PSMD11: variants seen among roughly 807,000 people sequenced by gnomAD.
PSMD11 encodes the protein proteasome 26S subunit, non-ATPase 11.
In PSMD11, 5 loss-of-function variants were observed where a neutral mutation model predicts 62.3. The ratio of observed to expected loss-of-function variants is 0.08; its 90% CI spans 0.04 to 0.17. The LOEUF (loss-of-function observed/expected upper bound fraction) is 0.17. PSMD11 is among the 10% of genes least tolerant of loss of function. PSMD11 has a pLI of 1.00. For synonymous variants in PSMD11, 191 were observed against 191.8 expected (o/e 1.00, Z 0.03); for missense variants, 310 against 512.9 (o/e 0.60, Z 3.82).
At chr17:32,467,809 C>CT (rs1165065002) in intron 5 of PSMD11, among the ~76,000 whole-genome samples, 10 of 152,034 alleles carry the variant, frequency 6.6e-5, no homozygotes, top group Admixed American at 2.0e-4. Flanking sequence ...AAGTTCTTTT[C>CT]TTTTTTTTAA....
chr17:32,473,259 C>T (rs561544126), intron 6 of PSMD11, among the ~76,000 whole-genome samples: 2 of 150,882 alleles, frequency 1.3e-5, no homozygotes, highest in Non-Finnish European at 3.0e-5. Context: ...GCCGAGATTA[C>T]AGGAGTGAAC....
rs1907938081 is a variant in PSMD11 at position 32,464,546 on chromosome 17, A to C, written c.416A>C (p.Asp139Ala). 1 of 1,609,222 alleles carries C rather than the reference A, an allele frequency of 6.2e-7. No individual in the cohort carries two copies. The highest frequency in any genetic ancestry group is 1.3e-5 in the African/African-American group (1 of 74,754). ...GCAAGACTGGTGTCTTTGTACTTTG[A>C]TACCAAGAGGTACCAGGAAGCATTG... ...LEARLVSLYF[D>A]TKRYQEALHL... Residue 139 changes from aspartate to alanine, a missense_variant, in exon 5 of 14, where the codon GAT becomes GCT. Transcript: ENST00000261712.
chr17:32,459,344 A>G (rs1907756084), intron 3 of PSMD11, among the ~76,000 whole-genome samples: 1 of 151,718 alleles, frequency 6.6e-6, no homozygotes, highest in Non-Finnish European at 1.5e-5. Flanking sequence ...TCAGCCTCCC[A>G]AATAACTGGG....
intron 1 of PSMD11, among the ~76,000 whole-genome samples, chr17:32,446,334 C>T (rs1048025267): frequency 6.6e-6 from 1 of 152,156 alleles, no homozygotes; most frequent in East Asian, 1.9e-4. Flanking sequence ...TTTTAACAGA[C>T]CTCAATGCAT....
intron 3 of PSMD11, among the ~76,000 whole-genome samples, chr17:32,461,340 G>A (rs2150833413): frequency 6.6e-6 from 1 of 152,318 alleles, no homozygotes; most frequent in Middle Eastern, 3.4e-3. Flanking sequence ...GCCTCCCAAA[G>A]TGCTGGGATT....
At chr17:32,450,365 G>A (rs753311070) in intron 2 of PSMD11, among the ~76,000 whole-genome samples, 4 of 150,634 alleles carry the variant, frequency 2.7e-5, no homozygotes, top group Non-Finnish European at 5.9e-5. Context: ...AGCAATTCTC[G>A]GGCCTCAGCC....
At chr17:32,463,954 TATGTAAG>T (rs1907917524) in intron 3 of PSMD11, 88 bp from the exon 4 acceptor site, 3 of 1,102,090 alleles carry the variant, frequency 2.7e-6, no homozygotes, top group Non-Finnish European at 4.2e-6. Flanking sequence ...ACATGGATAA[TATGTAAG>T]GAGGGAATTT....
In PSMD11 at chr17:32,473,847, A is replaced by G. The variant is rs1349636774; in HGVS notation, c.690A>G (p.Ser230=). ...AEEKDWKTAY[S]YFYEAFEGYD... is the part of the protein sequence containing the mutation. ...AGAAGGACTGGAAAACTGCGTACTC[A>G]TACTTCTATGAGGCATTTGAGGGTT... is the stretch of plus-strand genomic sequence containing the variant. The change falls in exon 7 of 14, where the codon TCA becomes TCG. Residue 230 remains serine (S), a synonymous_variant. Coordinates refer to ENST00000261712, the MANE Select transcript of PSMD11 (RefSeq NM_002815.4). 1 of 1,613,910 alleles carries G rather than the reference A, an allele frequency of 6.2e-7. No individual in the cohort carries two copies. Among genetic ancestry groups the G allele is most frequent in the African/African-American group, 1.3e-5 (1 of 74,914 alleles).
Position 32,480,781 on chromosome 17 carries a change from G to A in PSMD11, c.*29G>A. The A allele has an allele frequency of 1.2e-6, 1 of 852,818 alleles. No homozygotes were observed. Among genetic ancestry groups the A allele is most frequent in the Non-Finnish European group, 1.7e-6 (1 of 578,286 alleles). The allele number at this position is 852,818 out of a possible 1,614,324, so 52.8% of individuals were successfully genotyped here. A position where few individuals can be genotyped will look rare whatever the true frequency, so the allele number is the denominator to read the frequency against. On this transcript the variant is annotated 3_prime_UTR_variant, in exon 14 of 14. Transcript: ENST00000261712. ...TGGATCTGTAGCGGTCCTTTGGAGAGTGTGTGTGGCGGGAGAGTGAAACCT... is the reference window on the plus strand; with the variant it reads ...TGGATCTGTAGCGGTCCTTTGGAGAATGTGTGTGGCGGGAGAGTGAAACCT...
chr17:32,444,821 T>A (rs1373971367), intron 1 of PSMD11: 2 of 590,088 alleles, frequency 3.4e-6, no homozygotes, highest in African/African-American at 4.0e-5. Context: ...AATCCCCGGG[T>A]CCCCTCGCCG....
At chr17:32,463,049 T>C (rs1343362802) in intron 3 of PSMD11, among the ~76,000 whole-genome samples, 2 of 152,270 alleles carry the variant, frequency 1.3e-5, no homozygotes, top group African/African-American at 2.4e-5. Context: ...ATTAGTTCTC[T>C]GGAGAGCTCA....
chr17:32,444,578 G>A lies in PSMD11; in HGVS notation c.55G>A (p.Asp19Asn), dbSNP rs752569323. 1.2e-6 allele frequency: 2 copies of A among 1,611,718 alleles called. No homozygotes were observed. The highest frequency in any genetic ancestry group is 1.7e-6 in the Non-Finnish European group (2 of 1,179,318). Residue 19 changes from aspartate (D) to asparagine (N), a missense_variant, in exon 1 of 14, where the codon GAC (aspartate) becomes AAC (asparagine). Coordinates refer to ENST00000261712, the MANE Select transcript of PSMD11 (RefSeq NM_002815.4). ...FQRAQSLLST[D>N]REASIDILHS... is the part of the protein sequence containing the mutation. ...GAGAGCCCAGTCTCTACTCAGCACC[G>A]ACCGGGAGGCCTCCATCGACATCCT... is the stretch of plus-strand genomic sequence containing the variant.
chr17:32,472,133 G>GTT lies in PSMD11; in HGVS notation c.644-1667_644-1666dup, dbSNP rs1277402694. ...TCCACCTGCCTTGGCCTCCCAAAGT[G>GTT]TTGAGATTACAGATGTGAGCCACTG... On this transcript the variant is annotated intron_variant, in intron 6 of 13. Transcript: ENST00000261712. 4.6e-5 allele frequency among the ~76,000 whole-genome samples: 7 copies of GTT among 151,976 alleles called. No homozygotes were observed. The East Asian group carries it at 7.7e-4, about 17-fold the overall frequency.
At chr17:32,448,232 A>G (rs1316509140) in intron 2 of PSMD11, among the ~76,000 whole-genome samples, 3 of 152,224 alleles carry the variant, frequency 2.0e-5, no homozygotes, top group Non-Finnish European at 4.4e-5. Flanking sequence ...GGCTCAGTCT[A>G]TAGAGCTGAA....
At chr17:32,458,705 C>T (rs1305050860) in intron 3 of PSMD11, among the ~76,000 whole-genome samples, 1 of 152,198 alleles carries the variant, frequency 6.6e-6, no homozygotes, top group African/African-American at 2.4e-5. Context: ...CTGACCACAT[C>T]CACTATACTA....
intron 4 of PSMD11, 33 bp downstream of exon 4, chr17:32,464,153 C>CT: frequency 1.3e-6 from 2 of 1,568,644 alleles, no homozygotes; most frequent in East Asian, 4.5e-5. Flanking sequence ...TTTCAGGTCT[C>CT]TAAGCATGAG....
intron 2 of PSMD11, among the ~76,000 whole-genome samples, chr17:32,453,432 A>G (rs1379883866): frequency 6.6e-6 from 1 of 152,208 alleles, no homozygotes; most frequent in Admixed American, 6.5e-5. Flanking sequence ...AAAGTTTTAA[A>G]CATTGGGAAT....
At chr17:32,444,785 C>T (rs565995866) in intron 1 of PSMD11, 171 bp downstream of exon 1, 18 of 728,336 alleles carry the variant, frequency 2.5e-5, no homozygotes, top group South Asian at 3.8e-5. Context: ...CCTCCCAGGT[C>T]TCACTCTTGT....
chr17:32,462,827 C>T (rs749586291), intron 3 of PSMD11, among the ~76,000 whole-genome samples: 22 of 152,112 alleles, frequency 1.4e-4, no homozygotes, highest in African/African-American at 2.2e-4. Flanking sequence ...GCTGGGATTA[C>T]GATCATGAGC....
Sources: gnomAD v4.1 joint callset for allele counts (sites outside exome capture counted in the v4.1 genomes callset) on GRCh38, gnomAD v4.1.1 for gene constraint, MANE v1.5 for transcripts, NCBI Gene and HGNC (gene_info 2026-07-23, HGNC 2026-07-21) for gene names.